AFF1: variants seen among roughly 807,000 people sequenced by gnomAD.
The protein encoded by AFF1 is ALF transcription elongation factor 1, also known as AF4/FMR2 family member 1.
In AFF1, 48 loss-of-function variants were observed where a neutral mutation model predicts 121.7. The ratio of observed to expected loss-of-function variants is 0.39; its 90% CI spans 0.31 to 0.50. AFF1 has a LOEUF of 0.50. Ranked by LOEUF, AFF1 falls within the 20% of genes least tolerant of loss-of-function variation. The probability of loss-of-function intolerance (pLI) is 0.76; values close to 1 mark genes in which losing one functional copy is unlikely to be tolerated. For missense variants in AFF1, 1,523 were observed against 1,511.7 expected, an observed-to-expected ratio of 1.01 and a Z score of -0.12; for synonymous variants, 613 against 563.0, an observed-to-expected ratio of 1.09 and a Z score of -1.26.
At chr4:87,033,113 G>A (rs148575593) in intron 2 of AFF1, among the ~76,000 whole-genome samples, 4 of 152,376 alleles carry the variant, frequency 2.6e-5, no homozygotes, top group African/African-American at 7.2e-5. Flanking sequence ...TTGTGCCACT[G>A]CACTGGGTGA....
intron 2 of AFF1, among the ~76,000 whole-genome samples, chr4:86,995,622 T>G (rs1191185706): frequency 1.3e-5 from 2 of 151,518 alleles, no homozygotes; most frequent in Admixed American, 6.6e-5. Context: ...TGCTCAATGG[T>G]GCCCAGGCTG....
chr4:87,060,945 G>A (rs900215111), intron 4 of AFF1, among the ~76,000 whole-genome samples: 3 of 151,140 alleles, frequency 2.0e-5, no homozygotes, highest in East Asian at 3.9e-4. Flanking sequence ...TAATTTTCTA[G>A]TAGATTAATG....
At chr4:87,000,679 T>G (rs1725636587) in intron 2 of AFF1, among the ~76,000 whole-genome samples, 1 of 150,384 alleles carries the variant, frequency 6.6e-6, no homozygotes, top group Admixed American at 6.7e-5. Flanking sequence ...GTTTGTAGAC[T>G]GATAATAAGT....
At position 86,978,177 on chromosome 4, in the gene AFF1, C is replaced by CT. The variant is rs10676975; in HGVS notation, c.38+29630dup. On this transcript the variant is annotated intron_variant, in intron 2 of 20. Coordinates refer to ENST00000395146, the MANE Select transcript of AFF1 (RefSeq NM_001166693.3). Reference sequence around the variant, plus strand: ...CTTCTCTTACTTCTCATTACATTCACTTTTTTTTTTTTTTTTTTTTTTTTG... The same window carrying CT: ...CTTCTCTTACTTCTCATTACATTCACTTTTTTTTTTTTTTTTTTTTTTTTTG... 7.3e-3 allele frequency among the ~76,000 whole-genome samples: 285 copies of CT among 39,296 alleles called. 74 individuals carry two copies. The highest frequency in any genetic ancestry group is 0.021 in the South Asian group (11 of 512). 25.8% of individuals were successfully genotyped at this position (39,296 alleles called of 152,430 possible).
chr4:87,021,277 A>G (rs1314777069), intron 2 of AFF1, among the ~76,000 whole-genome samples: 2 of 152,174 alleles, frequency 1.3e-5, no homozygotes, highest in Non-Finnish European at 2.9e-5. Context: ...TGTTCTTTGT[A>G]GATTTTCATG....
At chr4:87,041,124 A>T (rs968156136) in intron 2 of AFF1, among the ~76,000 whole-genome samples, 1 of 149,604 alleles carries the variant, frequency 6.7e-6, no homozygotes, top group African/African-American at 2.5e-5. Context: ...TGATCCGCCC[A>T]CCTTGGCCTC....
chr4:86,953,622 G>A lies in AFF1; in HGVS notation c.38+5051G>A, dbSNP rs924227786. Among the ~76,000 whole-genome samples the A allele has an allele frequency of 2.0e-5, 3 of 152,016 alleles. No homozygotes were observed. In the South Asian group the frequency reaches 6.2e-4, roughly 32 times the overall value. On this transcript the variant is annotated intron_variant, in intron 2 of 20. Coordinates refer to ENST00000395146, the MANE Select transcript of AFF1 (RefSeq NM_001166693.3). ...ACTTATATTTCTTCACCTTCCTTCC[G>A]TCCCCCTTTTTAATAGTTCTTTCTA... is the stretch of plus-strand genomic sequence containing the variant.
At chr4:86,998,308 G>T (rs778156253) in intron 2 of AFF1, among the ~76,000 whole-genome samples, 1 of 152,066 alleles carries the variant, frequency 6.6e-6, no homozygotes, top group East Asian at 1.9e-4. Flanking sequence ...AGCTAGTCTC[G>T]CTAGAAGAAA....
chr4:87,008,591 T>C (rs1422071304), intron 2 of AFF1, among the ~76,000 whole-genome samples: 1 of 150,804 alleles, frequency 6.6e-6, no homozygotes, highest in Non-Finnish European at 1.5e-5. Context: ...TGTGTCTCTA[T>C]TTTTGTTAAC....
chr4:87,016,851 T>C (rs1487427918), intron 2 of AFF1, among the ~76,000 whole-genome samples: 1 of 152,198 alleles, frequency 6.6e-6, no homozygotes, highest in African/African-American at 2.4e-5. Flanking sequence ...TACTTGCATA[T>C]GTATATATAT....
At chr4:86,990,876 G>A (rs1022994696) in intron 2 of AFF1, among the ~76,000 whole-genome samples, 1 of 152,208 alleles carries the variant, frequency 6.6e-6, no homozygotes, top group Non-Finnish European at 1.5e-5. Flanking sequence ...CCTAGGCTGA[G>A]CGCGGTGGCT....
At chr4:86,962,966 G>T (rs1428164413) in intron 2 of AFF1, among the ~76,000 whole-genome samples, 1 of 152,000 alleles carries the variant, frequency 6.6e-6, no homozygotes, top group East Asian at 1.9e-4. Context: ...AGGAGTTCGA[G>T]ACCAGCCTGG....
At chr4:87,075,269 A>C (rs1252599943) in intron 4 of AFF1, among the ~76,000 whole-genome samples, 1 of 152,154 alleles carries the variant, frequency 6.6e-6, no homozygotes, top group Non-Finnish European at 1.5e-5. Flanking sequence ...GATGAAAGAT[A>C]AGGTAATATC....
At chr4:87,084,481 G>A (rs535397191) in intron 5 of AFF1, among the ~76,000 whole-genome samples, 34 of 151,672 alleles carry the variant, frequency 2.2e-4, no homozygotes, top group Middle Eastern at 3.2e-3. Context: ...CCCGAGAGGT[G>A]GAGGCTGCTG....
intron 4 of AFF1, among the ~76,000 whole-genome samples, chr4:87,077,616 G>T (rs1462005103): frequency 6.6e-6 from 1 of 151,596 alleles, no homozygotes; most frequent in African/African-American, 2.4e-5. Context: ...GGAAGTAATT[G>T]ATGTTAGGAC....
At position 87,094,987 on chromosome 4, in the gene AFF1, T is replaced by C; in HGVS notation, c.1283+18T>C. ...ACGTCATCGTAAGTGAAATGCTTTTTGTGTATTAAAATTTTGTAGTATGAA... is the reference window on the plus strand; with the variant it reads ...ACGTCATCGTAAGTGAAATGCTTTTCGTGTATTAAAATTTTGTAGTATGAA... On this transcript the variant is annotated intron_variant, in intron 8 of 20. Transcript: ENST00000395146. The C allele has an allele frequency of 6.2e-7, 1 of 1,608,988 alleles. No homozygotes were observed. Among genetic ancestry groups the C allele is most frequent in the South Asian group, 1.1e-5 (1 of 90,916 alleles).
At chr4:87,017,101 GT>G (rs66466780) in intron 2 of AFF1, among the ~76,000 whole-genome samples, 24,187 of 106,074 alleles carry the variant, frequency 0.23, 2,124 homozygotes, top group African/African-American at 0.32. Context: ...ATATATATGT[GT>G]TTTTTTTTTT....
At chr4:87,081,128 TG>T (rs1382953068) in intron 4 of AFF1, among the ~76,000 whole-genome samples, 1 of 151,478 alleles carries the variant, frequency 6.6e-6, no homozygotes, top group Non-Finnish European at 1.5e-5. Flanking sequence ...TACTGGCTTT[TG>T]TAGTTTTTCT....
chr4:87,073,181 GTTCTGATA>G (rs1722268841), intron 4 of AFF1, among the ~76,000 whole-genome samples: 1 of 146,408 alleles, frequency 6.8e-6, no homozygotes, highest in Non-Finnish European at 1.5e-5. Context: ...TGTTCATGAT[GTTCTGATA>G]TTAAATGAAT....
Sources: gnomAD v4.1 joint callset for allele counts (sites outside exome capture counted in the v4.1 genomes callset) on GRCh38, gnomAD v4.1.1 for gene constraint, MANE v1.5 for transcripts, NCBI Gene and HGNC (gene_info 2026-07-23, HGNC 2026-07-21) for gene names.